The following UBE2G1 variants were observed in gnomAD, a reference collection of about 807,000 sequenced individuals.
UBE2G1 encodes the protein ubiquitin-conjugating enzyme E2 G1.
Under a neutral mutation model 22.7 loss-of-function variants are expected in UBE2G1, and 5 were observed. That is an observed-to-expected ratio of 0.22 (90% CI 0.12 to 0.46). UBE2G1 has a LOEUF of 0.46. Among genes scored for constraint, UBE2G1 ranks in the 20% least tolerant of loss-of-function variants. UBE2G1 has a pLI of 0.99. For synonymous variants in UBE2G1, 74 were observed against 67.5 expected, an observed-to-expected ratio of 1.10 and a Z score of -0.47; for missense variants, 88 against 203.9, an observed-to-expected ratio of 0.43 and a Z score of 3.46.
intron 1 of UBE2G1, among the ~76,000 whole-genome samples, chr17:4,362,194 A>G (rs1296700124): frequency 6.6e-6 from 1 of 152,214 alleles, no homozygotes; most frequent in Non-Finnish European, 1.5e-5. Flanking sequence ...TCAATTTGCA[A>G]AGGAGTAAGT....
intron 2 of UBE2G1, among the ~76,000 whole-genome samples, chr17:4,303,268 C>T (rs1969207621): frequency 6.6e-6 from 1 of 152,028 alleles, no homozygotes; most frequent in African/African-American, 2.4e-5. Flanking sequence ...CTTAGGGACA[C>T]AAATTATAGT....
chr17:4,361,897 G>A (rs541062817), intron 1 of UBE2G1, among the ~76,000 whole-genome samples: 15 of 148,644 alleles, frequency 1.0e-4, no homozygotes, highest in African/African-American at 3.2e-4. Flanking sequence ...AGCGGAGATC[G>A]TGCCACTGCA....
At chr17:4,285,048 C>T (rs1168589252) in intron 4 of UBE2G1, among the ~76,000 whole-genome samples, 1 of 151,874 alleles carries the variant, frequency 6.6e-6, no homozygotes, top group African/African-American at 2.4e-5. Context: ...TTTACCATGT[C>T]GCCTAGGCTG....
chr17:4,364,825 G>A (rs966259912), intron 1 of UBE2G1, among the ~76,000 whole-genome samples: 3 of 151,902 alleles, frequency 2.0e-5, no homozygotes, highest in Non-Finnish European at 4.4e-5. Flanking sequence ...AAGGTGATCC[G>A]CCAGCCTCGG....
chr17:4,363,986 C>G (rs1970000065), intron 1 of UBE2G1, among the ~76,000 whole-genome samples: 1 of 142,604 alleles, frequency 7.0e-6, no homozygotes, highest in Non-Finnish European at 1.5e-5. Context: ...AAGATGCAGA[C>G]GGGCACGGTG....
intron 1 of UBE2G1, among the ~76,000 whole-genome samples, chr17:4,358,521 G>A (rs2143829883): frequency 6.6e-6 from 1 of 151,960 alleles, no homozygotes; most frequent in South Asian, 2.1e-4. Flanking sequence ...CCAGATATGT[G>A]ATTTGCAAAT....
intron 3 of UBE2G1, among the ~76,000 whole-genome samples, chr17:4,294,415 CAAAA>C (rs68047533): frequency 1.0e-4 from 12 of 117,166 alleles, no homozygotes; most frequent in African/African-American, 4.9e-4. Context: ...GACTCCGTCT[CAAAA>C]AAAAAAAAAA....
chr17:4,279,926 G>A (rs983987260), intron 5 of UBE2G1, among the ~76,000 whole-genome samples: 4 of 150,748 alleles, frequency 2.7e-5, no homozygotes, highest in Non-Finnish European at 5.9e-5. Context: ...ACCTGAACAC[G>A]CAATTCACAG....
chr17:4,281,259 T>C (rs570418922), intron 5 of UBE2G1, among the ~76,000 whole-genome samples: 2 of 152,286 alleles, frequency 1.3e-5, no homozygotes, highest in South Asian at 2.1e-4. Flanking sequence ...TTGAAGAATA[T>C]TGAGCAATAA....
At chr17:4,304,473 TAATAAA>T (rs1192565052) in intron 2 of UBE2G1, among the ~76,000 whole-genome samples, 1 of 152,118 alleles carries the variant, frequency 6.6e-6, no homozygotes, top group African/African-American at 2.4e-5. Flanking sequence ...AAAGACTCAT[TAATAAA>T]AATAAAAATG....
chr17:4,321,546 G>A (rs941988664), intron 1 of UBE2G1, among the ~76,000 whole-genome samples: 1 of 152,078 alleles, frequency 6.6e-6, no homozygotes, highest in Non-Finnish European at 1.5e-5. Flanking sequence ...AGGCTGGAGC[G>A]CAGTAGTGTG....
At chr17:4,323,619 C>T (rs1969469417) in intron 1 of UBE2G1, among the ~76,000 whole-genome samples, 1 of 152,234 alleles carries the variant, frequency 6.6e-6, no homozygotes, top group Admixed American at 6.5e-5. Context: ...GTGGCACAAT[C>T]ACAGTTCACT....
At chr17:4,287,547 T>A (rs916932549) in intron 4 of UBE2G1, among the ~76,000 whole-genome samples, 9 of 152,218 alleles carry the variant, frequency 5.9e-5, no homozygotes, top group African/African-American at 1.9e-4. Context: ...TTGTTTAGAC[T>A]AATACTTGAT....
Position 4,301,560 on chromosome 17 carries a change from C to A in UBE2G1, c.150-4746G>T. ...GCTGCTATATGCCTGGTATTCTTGG[C>A]CCAATGTAGTTTTGTGTTTCTTTGG... is the stretch of plus-strand genomic sequence containing the variant. On this transcript the variant is annotated intron_variant, in intron 2 of 5. Transcript: ENST00000396981. 3.0e-6 allele frequency: 4 copies of A among 1,334,972 alleles called. No individual in the cohort carries two copies. In the Admixed American group the frequency reaches 6.8e-5, roughly 23 times the overall value. The allele number at this position is 1,334,972 out of a possible 1,614,324, so 82.7% of individuals were successfully genotyped here.
chr17:4,299,024 C>T (rs1421107608), intron 2 of UBE2G1, among the ~76,000 whole-genome samples: 2 of 152,170 alleles, frequency 1.3e-5, no homozygotes, highest in African/African-American at 4.8e-5. Flanking sequence ...TTAGGATATA[C>T]TGATTACATG....
At chr17:4,366,161 G>T in intron 1 of UBE2G1, 110 bp downstream of exon 1, 1 of 1,200,326 alleles carries the variant, frequency 8.3e-7, no homozygotes, top group Non-Finnish European at 1.1e-6. Flanking sequence ...ACCCTCGCAG[G>T]CCCGGGCCCC....
At chr17:4,305,916 G>A (rs542562321) in intron 2 of UBE2G1, among the ~76,000 whole-genome samples, 2 of 152,350 alleles carry the variant, frequency 1.3e-5, no homozygotes, top group South Asian at 4.1e-4. Flanking sequence ...CAGAAAAGAA[G>A]ACTGTGGTCT....
At chr17:4,313,868 C>T (rs1027457090) in intron 1 of UBE2G1, among the ~76,000 whole-genome samples, 1 of 152,074 alleles carries the variant, frequency 6.6e-6, no homozygotes, top group African/African-American at 2.4e-5. Context: ...GAGTGGTCTA[C>T]AAGCCATGAA....
intron 2 of UBE2G1, chr17:4,301,907 G>A: frequency 4.1e-6 from 2 of 491,954 alleles, no homozygotes; most frequent in South Asian, 1.6e-5. Context: ...GGGTTCTGCT[G>A]GTCACACAAC....
Sources: gnomAD v4.1 joint callset for allele counts (sites outside exome capture counted in the v4.1 genomes callset) on GRCh38, gnomAD v4.1.1 for gene constraint, MANE v1.5 for transcripts, NCBI Gene and HGNC (gene_info 2026-07-23, HGNC 2026-07-21) for gene names.